Variants in BICC1 observed in about 807,000 individuals in gnomAD.
BICC1 encodes protein bicaudal C homolog 1.
A neutral mutation model predicts 111.0 loss-of-function variants in BICC1; 43 were observed. The ratio of observed to expected loss-of-function variants is 0.39; its 90% confidence interval spans 0.30 to 0.50. BICC1 has a LOEUF of 0.50. BICC1 is among the 20% of genes least tolerant of loss of function. The probability of loss-of-function intolerance (pLI) is 0.88; values close to 1 mark genes in which losing one functional copy is unlikely to be tolerated. For synonymous variants in BICC1, 467 were observed against 434.4 expected, an observed-to-expected ratio of 1.07 and a Z score of -0.93; for missense variants, 1,091 against 1,203.2, an observed-to-expected ratio of 0.91 and a Z score of 1.38.
chr10:58,736,005 A>G (rs1841455364), intron 3 of BICC1, among the ~76,000 whole-genome samples: 2 of 152,100 alleles, frequency 1.3e-5, no homozygotes, highest in South Asian at 4.1e-4. Context: ...TTTATCAGGC[A>G]AAAAAGTATC....
intron 1 of BICC1, among the ~76,000 whole-genome samples, chr10:58,618,399 C>T (rs1284848742): frequency 6.6e-6 from 1 of 152,220 alleles, no homozygotes; most frequent in African/African-American, 2.4e-5. Context: ...CATGTGAGGT[C>T]GTGCTTGGCT....
intron 2 of BICC1, among the ~76,000 whole-genome samples, chr10:58,694,842 A>G (rs188713171): frequency 2.2e-3 from 330 of 152,232 alleles, no homozygotes; most frequent in African/African-American, 7.4e-3. Context: ...CAGTTACTTC[A>G]GCATTTATGG....
intron 3 of BICC1, among the ~76,000 whole-genome samples, chr10:58,741,130 G>T (rs1841649706): frequency 6.6e-6 from 1 of 152,180 alleles, no homozygotes; most frequent in Admixed American, 6.5e-5. Flanking sequence ...TTGTATTTTA[G>T]ATTTCTGGGT....
At chr10:58,797,147 C>T (rs1843382630) in intron 10 of BICC1, among the ~76,000 whole-genome samples, 1 of 152,176 alleles carries the variant, frequency 6.6e-6, no homozygotes, top group Non-Finnish European at 1.5e-5. Flanking sequence ...TTTATGTCCT[C>T]ATCTATGGAT....
intron 2 of BICC1, among the ~76,000 whole-genome samples, chr10:58,646,888 A>G (rs567267963): frequency 1.1e-4 from 17 of 152,118 alleles, no homozygotes; most frequent in Admixed American, 3.3e-4. Flanking sequence ...TTAATATTCT[A>G]TTTGGAAACA....
At chr10:58,785,577 G>C (rs556289775) in intron 4 of BICC1, among the ~76,000 whole-genome samples, 7 of 151,678 alleles carry the variant, frequency 4.6e-5, no homozygotes, top group East Asian at 3.9e-4. Flanking sequence ...CTCTCTCTCT[G>C]TAAGTATATG....
Position 58,830,946 on chromosome 10 carries a change from TA to T in BICC1, c.*2057del, listed in dbSNP as rs1404469700. On this transcript the variant is annotated 3_prime_UTR_variant, in exon 21 of 21. Transcript: ENST00000373886. ...CTTTTAATAAGACCTTCCCAGATAA[TA>T]ATCTTGGAGCTCTTTTCCCAGCTGT... is the stretch of plus-strand genomic sequence containing the variant. The T allele has an allele frequency of 6.6e-6, 1 of 152,206 alleles. No individual in the cohort carries two copies. Among genetic ancestry groups the T allele is most frequent in the Non-Finnish European group, 1.5e-5 (1 of 68,038 alleles). 9.4% of individuals were successfully genotyped at this position (152,206 alleles called of 1,614,324 possible). A position where few individuals can be genotyped will look rare whatever the true frequency, so the allele number is the denominator to read the frequency against.
chr10:58,825,757 C>G (rs1844375684), intron 20 of BICC1, among the ~76,000 whole-genome samples: 1 of 152,152 alleles, frequency 6.6e-6, no homozygotes, highest in Non-Finnish European at 1.5e-5. Flanking sequence ...TTGCATATAA[C>G]AGTTACAAGT....
At chr10:58,815,438 G>C (rs1372125003) in intron 18 of BICC1, among the ~76,000 whole-genome samples, 1 of 152,166 alleles carries the variant, frequency 6.6e-6, no homozygotes, top group Admixed American at 6.5e-5. Flanking sequence ...ACAGATGGAG[G>C]GGTGTAAATG....
intron 2 of BICC1, among the ~76,000 whole-genome samples, chr10:58,635,160 G>A (rs2132188736): frequency 6.6e-6 from 1 of 152,150 alleles, no homozygotes; most frequent in East Asian, 1.9e-4. Context: ...GGTATACTGT[G>A]AGATACTAGT....
chr10:58,727,610 G>A (rs768747622), intron 3 of BICC1, among the ~76,000 whole-genome samples: 1 of 152,016 alleles, frequency 6.6e-6, no homozygotes, highest in Non-Finnish European at 1.5e-5. Flanking sequence ...AGGTGGGGTG[G>A]GGTGGGGGCG....
chr10:58,537,034 G>C (rs1238670265), intron 1 of BICC1, among the ~76,000 whole-genome samples: 1 of 151,474 alleles, frequency 6.6e-6, no homozygotes, highest in Non-Finnish European at 1.5e-5. Context: ...CCAATAACAG[G>C]CTGTCAGATT....
At chr10:58,670,693 C>G (rs559541538) in intron 2 of BICC1, among the ~76,000 whole-genome samples, 2 of 152,236 alleles carry the variant, frequency 1.3e-5, no homozygotes, top group South Asian at 4.2e-4. Context: ...TTTGAACATT[C>G]TGATTTTTAA....
intron 2 of BICC1, among the ~76,000 whole-genome samples, chr10:58,670,934 C>T (rs1443118809): frequency 6.6e-6 from 1 of 152,092 alleles, no homozygotes; most frequent in Admixed American, 6.6e-5. Flanking sequence ...TGAAAGAAGC[C>T]TCACCCCATA....
At chr10:58,566,162 G>GTA (rs553410270) in intron 1 of BICC1, among the ~76,000 whole-genome samples, 156 of 151,250 alleles carry the variant, frequency 1.0e-3, no homozygotes, top group African/African-American at 3.7e-3. Flanking sequence ...GTGTGTGTGT[G>GTA]TATATATACA....
intron 2 of BICC1, among the ~76,000 whole-genome samples, chr10:58,657,414 G>T (rs1838694668): frequency 6.6e-6 from 1 of 152,082 alleles, no homozygotes; most frequent in Admixed American, 6.6e-5. Context: ...TGCACTAGTA[G>T]TTTTTGTGTA....
intron 2 of BICC1, among the ~76,000 whole-genome samples, chr10:58,698,336 G>A (rs1240204362): frequency 6.6e-6 from 1 of 152,170 alleles, no homozygotes; most frequent in Non-Finnish European, 1.5e-5. Context: ...ATCACCCTCA[G>A]GGCCTTGCAG....
At chr10:58,646,615 AT>A (rs1838276819) in intron 2 of BICC1, among the ~76,000 whole-genome samples, 1 of 152,064 alleles carries the variant, frequency 6.6e-6, no homozygotes, top group Admixed American at 6.6e-5. Context: ...GAACATTTTG[AT>A]TGAGACTAGC....
In BICC1 at chr10:58,552,586, C is replaced by T. The variant is rs566150332; in HGVS notation, c.190+39253C>T. Among the ~76,000 whole-genome samples the T allele has an allele frequency of 4.6e-5, 7 of 152,222 alleles. No individual in the cohort carries two copies. The South Asian group carries it at 1.2e-3, about 27-fold the overall frequency. On this transcript the variant is annotated intron_variant, in intron 1 of 20. Coordinates refer to ENST00000373886, the MANE Select transcript of BICC1 (RefSeq NM_001080512.3). The stretch of plus-strand genomic sequence containing the variant: ...TCCTGACCTTGTGATCCACCCGCCT[C>T]GGCGTCCCAAAGTTCTGGGATTACA...
Sources: gnomAD v4.1 joint callset for allele counts (sites outside exome capture counted in the v4.1 genomes callset) on GRCh38, gnomAD v4.1.1 for gene constraint, MANE v1.5 for transcripts, NCBI Gene and HGNC (gene_info 2026-07-23, HGNC 2026-07-21) for gene names.